Variants in TMTC2 observed in about 807,000 individuals in gnomAD.
The protein encoded by TMTC2 is transmembrane O-mannosyltransferase targeting cadherins 2, also known as protein O-mannosyl-transferase TMTC2.
Under a neutral mutation model 82.4 loss-of-function variants are expected in TMTC2, and 43 were observed. The observed-to-expected ratio is 0.52, with a 90% CI of 0.41 to 0.67. TMTC2 has a LOEUF of 0.67. Among genes scored for constraint, TMTC2 ranks in the 30% least tolerant of loss-of-function variants. The pLI, the probability that TMTC2 is intolerant of heterozygous loss-of-function variation, is 0.00. For synonymous variants in TMTC2, 408 were observed against 381.9 expected (o/e 1.07, Z -0.80); for missense variants, 919 against 1,012.4 (o/e 0.91, Z 1.25).
At position 83,134,282 on chromosome 12, in the gene TMTC2, G is replaced by A. The variant is rs1885364594; in HGVS notation, c.*1893G>A. The A allele has an allele frequency of 3.0e-5, 4 of 135,318 alleles. No homozygotes were observed. The highest frequency in any genetic ancestry group is 2.9e-4 in the Admixed American group (4 of 14,008). The allele number at this position is 135,318 out of a possible 1,614,324, so 8.4% of individuals were successfully genotyped here. Reference sequence around the variant, plus strand: ...TGTATTATTCATCTTTTAGTGCATTGGCAATTGCAAAAAAAAAAAAGGAAT... The same window carrying A: ...TGTATTATTCATCTTTTAGTGCATTAGCAATTGCAAAAAAAAAAAAGGAAT... On this transcript the variant is annotated 3_prime_UTR_variant, in exon 12 of 12. Transcript: ENST00000321196.
At chr12:82,853,535 T>A (rs1871097284) in intron 1 of TMTC2, among the ~76,000 whole-genome samples, 1 of 152,214 alleles carries the variant, frequency 6.6e-6, no homozygotes, top group Non-Finnish European at 1.5e-5. Flanking sequence ...TTTATTGCTA[T>A]AAAGATAAAT....
intron 11 of TMTC2, among the ~76,000 whole-genome samples, chr12:83,081,552 A>G (rs1883468472): frequency 6.6e-6 from 1 of 152,186 alleles, no homozygotes; most frequent in Admixed American, 6.5e-5. Flanking sequence ...TATTTCTACT[A>G]TATATGTTTA....
At chr12:82,934,404 G>A (rs10778917) in intron 4 of TMTC2, among the ~76,000 whole-genome samples, 115,466 of 149,264 alleles carry the variant, frequency 0.77, 46,404 homozygotes, top group East Asian at 1. Context: ...GACAGGCCCC[G>A]GTGTGTGATA....
chr12:82,689,569 T>G (rs1012828322), intron 1 of TMTC2, among the ~76,000 whole-genome samples: 16 of 152,346 alleles, frequency 1.1e-4, no homozygotes, highest in African/African-American at 3.8e-4. Context: ...GAAGAAGCCA[T>G]TCTTTAAAAA....
At chr12:82,796,774 G>A (rs1474528820) in intron 1 of TMTC2, among the ~76,000 whole-genome samples, 1 of 152,052 alleles carries the variant, frequency 6.6e-6, no homozygotes, top group Non-Finnish European at 1.5e-5. Context: ...AGGGTGTATT[G>A]GGAGTCTGAC....
intron 4 of TMTC2, among the ~76,000 whole-genome samples, chr12:82,936,302 A>G (rs963708916): frequency 6.6e-6 from 1 of 152,066 alleles, no homozygotes; most frequent in Non-Finnish European, 1.5e-5. Context: ...GTGATATTTC[A>G]TGCAATAATT....
chr12:82,966,701 T>G (rs1878227813), intron 6 of TMTC2, among the ~76,000 whole-genome samples: 2 of 152,194 alleles, frequency 1.3e-5, no homozygotes, highest in Non-Finnish European at 2.9e-5. Flanking sequence ...CGATGCCTCG[T>G]TAAGCTATGG....
At chr12:82,687,828 G>C (rs936264365) in intron 1 of TMTC2, among the ~76,000 whole-genome samples, 159 bp downstream of exon 1, 6 of 151,960 alleles carry the variant, frequency 3.9e-5, no homozygotes, top group Non-Finnish European at 7.4e-5. Context: ...ATCAAACACC[G>C]GGGACGTGAG....
intron 6 of TMTC2, among the ~76,000 whole-genome samples, chr12:82,966,517 T>G (rs74106200): frequency 0.034 from 5,161 of 152,274 alleles, 293 homozygotes; most frequent in African/African-American, 0.12. Context: ...CTGGAAGATT[T>G]GTTAGCTGAC....
At chr12:83,080,701 A>G (rs117206592) in intron 11 of TMTC2, among the ~76,000 whole-genome samples, 3,924 of 152,266 alleles carry the variant, frequency 0.026, 64 homozygotes, top group South Asian at 0.072. Flanking sequence ...TATAAATAAA[A>G]CCCAGGGCAC....
intron 11 of TMTC2, among the ~76,000 whole-genome samples, chr12:83,085,764 C>T (rs2137511096): frequency 6.6e-6 from 1 of 152,290 alleles, no homozygotes; most frequent in South Asian, 2.1e-4. Flanking sequence ...AAACTCAAGG[C>T]TACATCCACT....
chr12:83,009,208 G>A (rs1385644525), intron 8 of TMTC2, among the ~76,000 whole-genome samples: 1 of 152,154 alleles, frequency 6.6e-6, no homozygotes, highest in Non-Finnish European at 1.5e-5. Context: ...AGGAGGCTCT[G>A]GATGTATTTC....
intron 11 of TMTC2, among the ~76,000 whole-genome samples, chr12:83,088,778 C>G (rs1437707980): frequency 1.3e-5 from 2 of 152,114 alleles, no homozygotes; most frequent in African/African-American, 2.4e-5. Flanking sequence ...TTTGAAATGG[C>G]AAGACTTCTC....
chr12:82,893,737 C>T (rs1328847052), intron 2 of TMTC2, among the ~76,000 whole-genome samples: 2 of 151,826 alleles, frequency 1.3e-5, no homozygotes, highest in East Asian at 1.9e-4. Flanking sequence ...TAAAAATGGA[C>T]ATATCACCAT....
At chr12:82,793,555 C>T (rs1424325036) in intron 1 of TMTC2, among the ~76,000 whole-genome samples, 2 of 151,966 alleles carry the variant, frequency 1.3e-5, no homozygotes, top group African/African-American at 4.8e-5. Context: ...TTATAAATGA[C>T]TAAATTAGTG....
At chr12:83,121,050 C>T (rs1884931605) in intron 11 of TMTC2, among the ~76,000 whole-genome samples, 1 of 152,108 alleles carries the variant, frequency 6.6e-6, no homozygotes, top group African/African-American at 2.4e-5. Flanking sequence ...TTTCTCCCTT[C>T]ACTTCTTGTA....
chr12:83,001,070 C>T (rs1256066368), intron 8 of TMTC2, among the ~76,000 whole-genome samples: 1 of 152,116 alleles, frequency 6.6e-6, no homozygotes, highest in Non-Finnish European at 1.5e-5. Flanking sequence ...CCTTCTAAAT[C>T]TCCGGGCCTG....
chr12:82,728,960 C>G (rs1353265214), intron 1 of TMTC2, among the ~76,000 whole-genome samples: 2 of 152,248 alleles, frequency 1.3e-5, no homozygotes. Context: ...GCCTCCCCGC[C>G]AGGCAGGGCT....
At chr12:83,131,095 C>T (rs1369187232) in intron 11 of TMTC2, among the ~76,000 whole-genome samples, 2 of 152,310 alleles carry the variant, frequency 1.3e-5, no homozygotes, top group Middle Eastern at 6.8e-3. Context: ...TGATTTCGGA[C>T]TTTAACACAG....
Sources: gnomAD v4.1 joint callset for allele counts (sites outside exome capture counted in the v4.1 genomes callset) on GRCh38, gnomAD v4.1.1 for gene constraint, MANE v1.5 for transcripts, NCBI Gene and HGNC (gene_info 2026-07-23, HGNC 2026-07-21) for gene names.